Variants in SHISAL1 observed in about 807,000 individuals in gnomAD.
SHISAL1 encodes protein shisa-like-1.
A neutral mutation model predicts 22.6 loss-of-function variants in SHISAL1; 9 were observed. The observed-to-expected ratio is 0.40, with a 90% CI of 0.24 to 0.70. SHISAL1 has a LOEUF of 0.70. SHISAL1 is among the 30% of genes least tolerant of loss of function. SHISAL1 has a pLI of 0.39. For synonymous variants in SHISAL1, 119 were observed against 115.4 expected, an observed-to-expected ratio of 1.03 and a Z score of -0.20; for missense variants, 246 against 270.6, an observed-to-expected ratio of 0.91 and a Z score of 0.64.
In SHISAL1 at chr22:44,245,502, A is replaced by C. The variant is rs2054991873; in HGVS notation, c.*4183T>G. 1 of 152,228 alleles carries C rather than the reference A, an allele frequency of 6.6e-6. No individual in the cohort carries two copies. Among genetic ancestry groups the C allele is most frequent in the Non-Finnish European group, 1.5e-5 (1 of 68,048 alleles). The allele number at this position is 152,228 out of a possible 1,614,324, so 9.4% of individuals were successfully genotyped here. A position where few individuals can be genotyped will look rare whatever the true frequency, so the allele number is the denominator to read the frequency against. ...GATGGGGACCAGTTCAGCCAAGTTG[A>C]AAAATTAAAAAATTTTACAAGTCTG... On this transcript the variant is annotated 3_prime_UTR_variant, in exon 5 of 5. Coordinates refer to ENST00000381176, the MANE Select transcript of SHISAL1 (RefSeq NM_001099294.2).
chr22:44,276,922 G>T (rs1569215032), intron 4 of SHISAL1, among the ~76,000 whole-genome samples: 2 of 152,178 alleles, frequency 1.3e-5, no homozygotes, highest in Admixed American at 1.3e-4. Flanking sequence ...AACAAGAAGG[G>T]CAGCGATGAG....
At chr22:44,253,218 C>T (rs1414473554) in intron 4 of SHISAL1, among the ~76,000 whole-genome samples, 1 of 151,864 alleles carries the variant, frequency 6.6e-6, no homozygotes, top group Non-Finnish European at 1.5e-5. Flanking sequence ...AATCAGGGGT[C>T]ATAATCTTAA....
In SHISAL1 at chr22:44,247,127, G is replaced by C. The variant is rs2055008102; in HGVS notation, c.*2558C>G. The C allele has an allele frequency of 6.5e-6, 1 of 152,734 alleles. No homozygotes were observed. The highest frequency in any genetic ancestry group is 2.4e-5 in the African/African-American group (1 of 41,466). 9.5% of individuals were successfully genotyped at this position (152,734 alleles called of 1,614,324 possible). ...AGTGACCTTTGACCCCAGGTGTCCA[G>C]GAGAGGGAGGCAAGGCCACCAGTTC... On this transcript the variant is annotated 3_prime_UTR_variant, in exon 5 of 5. Transcript: ENST00000381176.
the SHISAL1 span, among the ~76,000 whole-genome samples, chr22:44,323,194 TCCA>T: frequency 1.5e-5 from 2 of 136,624 alleles, no homozygotes; most frequent in African/African-American, 5.5e-5. Flanking sequence ...CATGCATCCA[TCCA>T]CCATCCATCT....
chr22:44,300,044 GAC>G (rs1201172535), intron 2 of SHISAL1, among the ~76,000 whole-genome samples: 1 of 151,252 alleles, frequency 6.6e-6, no homozygotes, highest in Non-Finnish European at 1.5e-5. Context: ...CACAGAAAGA[GAC>G]AGAGAGACAG....
chr22:44,269,474 G>A lies in SHISAL1; in HGVS notation c.599+15954C>T, dbSNP rs62654733. On this transcript the variant is annotated intron_variant, in intron 4 of 4. Transcript: ENST00000381176. Reference sequence around the variant, plus strand: ...TGCCACACAGACGCCCACAACACGCGCACACACACACACACACACTCCATG... The same window carrying A: ...TGCCACACAGACGCCCACAACACGCACACACACACACACACACACTCCATG... Among the ~76,000 whole-genome samples the A allele has an allele frequency of 4.1e-3, 91 of 22,362 alleles. 1 individual carries two copies. The highest frequency in any genetic ancestry group is 8.8e-3 in the African/African-American group (72 of 8,172). 14.7% of individuals were successfully genotyped at this position (22,362 alleles called of 152,430 possible). A position where few individuals can be genotyped will look rare whatever the true frequency, so the allele number is the denominator to read the frequency against.
intron 4 of SHISAL1, among the ~76,000 whole-genome samples, chr22:44,269,993 G>A (rs1378564406): frequency 1.3e-5 from 2 of 152,120 alleles, no homozygotes; most frequent in Non-Finnish European, 2.9e-5. Context: ...ATTCCTTTGT[G>A]GGTCCTGCCT....
intron 4 of SHISAL1, among the ~76,000 whole-genome samples, chr22:44,263,180 C>T (rs1178747809): frequency 6.7e-6 from 1 of 148,604 alleles, no homozygotes; most frequent in African/African-American, 2.5e-5. Flanking sequence ...CAGCGATTCT[C>T]CTGCCTCAGC....
chr22:44,317,857 T>C (rs754657428), upstream of SHISAL1, among the ~76,000 whole-genome samples: 12 of 152,210 alleles, frequency 7.9e-5, no homozygotes, highest in South Asian at 2.1e-4. Flanking sequence ...GTCCCCAAAC[T>C]AGAGATCTGT....
At chr22:44,301,561 C>T (rs1040939045) in intron 1 of SHISAL1, among the ~76,000 whole-genome samples, 1 of 152,144 alleles carries the variant, frequency 6.6e-6, no homozygotes, top group Non-Finnish European at 1.5e-5. Context: ...AGTACATATC[C>T]CAAGGCGCAG....
chr22:44,247,632 C>A lies in SHISAL1; in HGVS notation c.*2053G>T, dbSNP rs1367404232. 6.6e-6 allele frequency: 1 copy of A among 152,312 alleles called. No individual in the cohort carries two copies. The highest frequency in any genetic ancestry group is 2.4e-5 in the African/African-American group (1 of 41,470). The allele number at this position is 152,312 out of a possible 1,614,324, so 9.4% of individuals were successfully genotyped here. A position where few individuals can be genotyped will look rare whatever the true frequency, so the allele number is the denominator to read the frequency against. On this transcript the variant is annotated 3_prime_UTR_variant, in exon 5 of 5. Coordinates refer to ENST00000381176, the MANE Select transcript of SHISAL1 (RefSeq NM_001099294.2). Reference sequence around the variant, plus strand: ...CACAGCTGACCTGTGTGATCCTGGGCAAGCCACTTGACCCAGCTGAGTCTG... The same window carrying A: ...CACAGCTGACCTGTGTGATCCTGGGAAAGCCACTTGACCCAGCTGAGTCTG...
At chr22:44,327,790 G>C in the SHISAL1 span, among the ~76,000 whole-genome samples, 1 of 152,192 alleles carries the variant, frequency 6.6e-6, no homozygotes, top group African/African-American at 2.4e-5. Context: ...GTGTCCCCAG[G>C]AGGGCATAAC....
chr22:44,285,539 G>A lies in SHISAL1; in HGVS notation c.488C>T (p.Pro163Leu). 6.5e-7 allele frequency: 1 copy of A among 1,538,446 alleles called. No individual in the cohort carries two copies. Among genetic ancestry groups the A allele is most frequent in the Non-Finnish European group, 9.0e-7 (1 of 1,114,780 alleles). The stretch of plus-strand genomic sequence containing the variant: ...CGGGCCTGGGGGAGGCTGCGGCTGT[G>A]GGGCCCGCTGACCCGGCCGAGGGGC... ...ARAPRPGQRAPQPQPPPGPLP... is the reference protein window; with the variant it reads ...ARAPRPGQRALQPQPPPGPLP... The change falls in exon 4 of 5, where the codon CCA becomes CTA. Residue 163 changes from proline (P) to leucine (L), a missense_variant. This residue lies in a region of SHISAL1 where 136 missense variants were observed against 117.5 expected (regional missense o/e 1.16). Coordinates refer to ENST00000381176, the MANE Select transcript of SHISAL1 (RefSeq NM_001099294.2).
rs542726318 is a variant in SHISAL1, at chr22:44,301,322, C to T, written c.-32-345G>A. 3.3e-5 allele frequency among the ~76,000 whole-genome samples: 5 copies of T among 152,292 alleles called. No individual in the cohort carries two copies. The South Asian group carries it at 6.2e-4, about 19-fold the overall frequency. ...GATGCCCGGGCTGGCCCGGCCACCT[C>T]GAGGAGCTTACAGGACCCAGGTCCC... On this transcript the variant is annotated intron_variant, in intron 1 of 4. Coordinates refer to ENST00000381176, the MANE Select transcript of SHISAL1 (RefSeq NM_001099294.2).
upstream of SHISAL1, among the ~76,000 whole-genome samples, chr22:44,317,774 G>C (rs750194270): frequency 4.4e-4 from 67 of 152,192 alleles, 1 homozygote; most frequent in Non-Finnish European, 7.1e-4. Context: ...GACTCCCCAA[G>C]TCCTCTCCGT....
chr22:44,260,665 C>T (rs566111136), intron 4 of SHISAL1, among the ~76,000 whole-genome samples: 15 of 152,368 alleles, frequency 9.8e-5, no homozygotes, highest in Non-Finnish European at 1.3e-4. Context: ...CAGAGCCAAA[C>T]GCTTGCCTGT....
At chr22:44,319,317 G>A in the SHISAL1 span, among the ~76,000 whole-genome samples, 6 of 152,238 alleles carry the variant, frequency 3.9e-5, no homozygotes, top group South Asian at 2.1e-4. Context: ...GTTGCCTGCC[G>A]AAGATCACAC....
intron 3 of SHISAL1, among the ~76,000 whole-genome samples, chr22:44,288,452 C>T (rs992591361): frequency 2.6e-5 from 4 of 151,772 alleles, no homozygotes; most frequent in African/African-American, 7.3e-5. Context: ...CTGGCTAACA[C>T]GGTGAAACCC....
intron 4 of SHISAL1, among the ~76,000 whole-genome samples, chr22:44,264,895 C>T (rs925143684): frequency 2.0e-5 from 3 of 152,050 alleles, no homozygotes; most frequent in Non-Finnish European, 2.9e-5. Context: ...GTCCCCAACA[C>T]ATACACCAGA....
Sources: allele counts gnomAD v4.1 joint callset (sites outside exome capture counted in the v4.1 genomes callset), GRCh38; gene constraint gnomAD v4.1.1; regional missense constraint gnomAD v4.1.1; transcripts MANE v1.5; gene names NCBI Gene and HGNC (gene_info 2026-07-23, HGNC 2026-07-21).